The following HERC1 variants were observed in gnomAD, a reference collection of about 807,000 sequenced individuals.
HERC1 encodes HECT and RLD domain containing E3 ubiquitin protein ligase family member 1, also known as probable E3 ubiquitin-protein ligase HERC1.
HERC1 carries 160 observed loss-of-function variants against 554.3 expected under a neutral mutation model. The observed-to-expected ratio is 0.29, with a 90% confidence interval of 0.25 to 0.33. The LOEUF (loss-of-function observed/expected upper bound fraction) is 0.33, where lower values mean the gene tolerates loss of function less well. HERC1 is among the 10% of genes least tolerant of loss of function. The pLI is 1.00. For missense variants in HERC1, 4,919 were observed against 5,918.5 expected, an observed-to-expected ratio of 0.83 and a Z score of 5.54; for synonymous variants, 2,175 against 2,131.7, an observed-to-expected ratio of 1.02 and a Z score of -0.56.
intron 34 of HERC1, among the ~76,000 whole-genome samples, chr15:63,682,342 T>C (rs1365108519): frequency 6.6e-6 from 1 of 152,202 alleles, no homozygotes; most frequent in African/African-American, 2.4e-5. Context: ...CTGTTCTTTC[T>C]TCCAGGAACA....
At chr15:63,789,834 A>AAATAAATAAATG (rs1567130354) in intron 1 of HERC1, among the ~76,000 whole-genome samples, 1 of 149,898 alleles carries the variant, frequency 6.7e-6, no homozygotes. Flanking sequence ...ATAAATAAAT[A>AAATAAATAAATG]AATGTATTAT....
rs1414803822 is a variant in HERC1 at position 63,785,032 on chromosome 15, G to C, written c.-26-9383C>G. Among the ~76,000 whole-genome samples, 4 of 152,168 alleles carry C rather than the reference G, an allele frequency of 2.6e-5. No homozygotes were observed. The South Asian group carries it at 6.2e-4, about 24-fold the overall frequency. ...GGGGAAAGGAGTTACAAATTATCTA[G>C]AAAGTTATATAAAAGAAACATATAT... On this transcript the variant is annotated intron_variant, in intron 1 of 77. Coordinates refer to ENST00000443617, the MANE Select transcript of HERC1 (RefSeq NM_003922.4).
chr15:63,767,656 C>G (rs2075824493), intron 2 of HERC1, among the ~76,000 whole-genome samples: 1 of 152,132 alleles, frequency 6.6e-6, no homozygotes, highest in Non-Finnish European at 1.5e-5. Flanking sequence ...CGAGATCGCC[C>G]CACCGCACTC....
chr15:63,791,696 G>A (rs973265416), intron 1 of HERC1, among the ~76,000 whole-genome samples: 8 of 152,164 alleles, frequency 5.3e-5, no homozygotes, highest in Admixed American at 5.2e-4. Flanking sequence ...TCAATTCGAT[G>A]TCTAAATGTT....
intron 19 of HERC1, among the ~76,000 whole-genome samples, chr15:63,719,939 A>G (rs2073737991): frequency 6.6e-6 from 1 of 152,024 alleles, no homozygotes; most frequent in Admixed American, 6.6e-5. Context: ...TCAAATATAC[A>G]TGTATCTGGT....
chr15:63,688,452 G>A (rs932298476), intron 33 of HERC1, among the ~76,000 whole-genome samples: 2 of 152,116 alleles, frequency 1.3e-5, no homozygotes, highest in African/African-American at 4.8e-5. Flanking sequence ...TAGAATTCAG[G>A]GGAAATGCCA....
intron 1 of HERC1, among the ~76,000 whole-genome samples, chr15:63,799,110 T>C (rs1271500141): frequency 6.6e-6 from 1 of 152,022 alleles, no homozygotes; most frequent in African/African-American, 2.4e-5. Context: ...TGACACGGAG[T>C]TGTTCAACAA....
chr15:63,736,971 C>T (rs963235401), intron 12 of HERC1, among the ~76,000 whole-genome samples: 1 of 151,626 alleles, frequency 6.6e-6, no homozygotes, highest in African/African-American at 2.4e-5. Flanking sequence ...TTGAGGAAAG[C>T]CTTTATTATG....
At chr15:63,654,887 T>C (rs183529759) in intron 50 of HERC1, among the ~76,000 whole-genome samples, 9 of 151,916 alleles carry the variant, frequency 5.9e-5, no homozygotes, top group Admixed American at 3.3e-4. Context: ...AAAAAATTTA[T>C]TATACAACAA....
At chr15:63,625,955 G>T in intron 71 of HERC1, 30 bp downstream of exon 71, 1 of 1,588,744 alleles carries the variant, frequency 6.3e-7, no homozygotes, top group South Asian at 1.1e-5. Flanking sequence ...GCCAGTCTGT[G>T]CCTGGCTGCT....
chr15:63,796,296 A>T (rs1046105548), intron 1 of HERC1, among the ~76,000 whole-genome samples: 4 of 152,228 alleles, frequency 2.6e-5, no homozygotes, highest in African/African-American at 9.6e-5. Context: ...TGCAACTTTT[A>T]ATAAGTTTCT....
At position 63,667,580 on chromosome 15, in the gene HERC1, C is replaced by T. The variant is rs149769838; in HGVS notation, c.8207-1108G>A. ...AAACAAATAATAATTTATTATGGAGCTTATGTGTAAAAGTGAAATGTATGA... is the reference window on the plus strand; with the variant it reads ...AAACAAATAATAATTTATTATGGAGTTTATGTGTAAAAGTGAAATGTATGA... On this transcript the variant is annotated intron_variant, in intron 40 of 77. Coordinates refer to ENST00000443617, the MANE Select transcript of HERC1 (RefSeq NM_003922.4). Among the ~76,000 whole-genome samples, 1,109 of 152,116 alleles carry T rather than the reference C, an allele frequency of 7.3e-3. 15 individuals are homozygous for T. The highest frequency in any genetic ancestry group is 0.026 in the African/African-American group (1,067 of 41,490).
intron 70 of HERC1, among the ~76,000 whole-genome samples, chr15:63,627,169 T>G (rs1289205112): frequency 6.6e-6 from 1 of 152,216 alleles, no homozygotes; most frequent in Non-Finnish European, 1.5e-5. Flanking sequence ...AACCATTTCC[T>G]GCTTGTTTGG....
Position 63,775,440 on chromosome 15 carries a change from A to G in HERC1, c.184T>C (p.Leu62=), listed in dbSNP as rs903332267. The part of the protein sequence containing the change: ...QQVLCLKGPQ[L]PDFERESLSS... Reference sequence around the variant, plus strand: ...AGAGACTCACGTTCAAAGTCTGGCAACTGTGGTCCTTTGAGGCATAAAACT... The same window carrying G: ...AGAGACTCACGTTCAAAGTCTGGCAGCTGTGGTCCTTTGAGGCATAAAACT... The change falls in exon 2 of 78, where the codon TTG becomes CTG. Residue 62 remains leucine, a synonymous_variant. Transcript: ENST00000443617. This position sits in a 1 kb window ranked among gnomAD's most constrained non-coding sequence, Gnocchi z 4.0. 2 of 1,613,912 alleles carry G rather than the reference A, an allele frequency of 1.2e-6. No individual in the cohort carries two copies. Among genetic ancestry groups the G allele is most frequent in the Admixed American group, 1.7e-5 (1 of 60,008 alleles).
chr15:63,698,875 C>T lies in HERC1; in HGVS notation c.4758G>A (p.Leu1586=). 2 of 1,613,926 alleles carry T rather than the reference C, an allele frequency of 1.2e-6. No individual in the cohort carries two copies. The highest frequency in any genetic ancestry group is 1.7e-6 in the Non-Finnish European group (2 of 1,179,850). ...CATTTTCAATCAAAGTGTGAACTCCCAAAGACTTGGTAAGATCAAAATCTG... is the reference window on the plus strand; with the variant it reads ...CATTTTCAATCAAAGTGTGAACTCCTAAAGACTTGGTAAGATCAAAATCTG... ...FESDFDLTKS[L]GVHTLIENVV... The change falls in exon 26 of 78, where the codon TTG becomes TTA. Residue 1586 remains leucine, a synonymous_variant. Transcript: ENST00000443617.
chr15:63,828,718 A>G (rs2078025557), intron 1 of HERC1, among the ~76,000 whole-genome samples: 1 of 152,194 alleles, frequency 6.6e-6, no homozygotes, highest in Non-Finnish European at 1.5e-5. Context: ...AAAAATAATA[A>G]TAATTAAAAT....
intron 53 of HERC1, among the ~76,000 whole-genome samples, chr15:63,650,734 A>G (rs2069633392): frequency 6.6e-6 from 1 of 152,250 alleles, no homozygotes; most frequent in Non-Finnish European, 1.5e-5. Context: ...ACTTGCAGTT[A>G]AGGCTAGCTA....
At chr15:63,672,814 C>G (rs1165272636) in intron 38 of HERC1, 120 bp from the exon 39 acceptor site, 1 of 674,462 alleles carries the variant, frequency 1.5e-6, no homozygotes, top group Admixed American at 2.9e-5. Context: ...TCACAAGCAT[C>G]AATTTCTATG....
chr15:63,632,439 T>C (rs2068602646), intron 68 of HERC1: 1 of 481,328 alleles, frequency 2.1e-6, no homozygotes, highest in Non-Finnish European at 3.8e-6. Context: ...TCAAGGGCAG[T>C]AGAAAAGAAG....
Sources: allele counts gnomAD v4.1 joint callset (sites outside exome capture counted in the v4.1 genomes callset), GRCh38; gene constraint gnomAD v4.1.1; non-coding constraint Gnocchi (gnomAD v3.1); transcripts MANE v1.5; gene names NCBI Gene and HGNC (gene_info 2026-07-23, HGNC 2026-07-21).